TMEM214: variants seen among roughly 807,000 people sequenced by gnomAD.
TMEM214 encodes transmembrane protein 214.
TMEM214 carries 71 observed loss-of-function variants against 89.8 expected under a neutral mutation model. The observed-to-expected ratio is 0.79, with a 90% CI of 0.65 to 0.96. TMEM214 has a LOEUF of 0.96. TMEM214 is among the 40% of genes least tolerant of loss of function. The pLI is 0.00. For synonymous variants in TMEM214, 332 were observed against 349.5 expected (o/e 0.95, Z 0.56); for missense variants, 754 against 843.4 (o/e 0.89, Z 1.31).
At chr2:27,039,233 C>G in intron 13 of TMEM214, 69 bp downstream of exon 13, 1 of 1,309,014 alleles carries the variant, frequency 7.6e-7, no homozygotes, top group Non-Finnish European at 1.1e-6. Flanking sequence ...GCACCACCAC[C>G]CCGCCCCCAG....
At position 27,035,450 on chromosome 2, in the gene TMEM214, C is replaced by T. The variant is rs1481788835; in HGVS notation, c.503-144C>T. The T allele has an allele frequency of 2.1e-6, 3 of 1,401,466 alleles. No homozygotes were observed. In the Admixed American group the frequency reaches 6.4e-5, roughly 30 times the overall value. 86.8% of individuals were successfully genotyped at this position (1,401,466 alleles called of 1,614,324 possible). A position where few individuals can be genotyped will look rare whatever the true frequency, so the allele number is the denominator to read the frequency against. On this transcript the variant is annotated intron_variant, in intron 3 of 16. Transcript: ENST00000238788. ...TTTCTGGGCCTCATTCTGTGATCCT[C>T]CCTCTGGGCCTCCTCAGAGGAAGGA...
chr2:27,037,021 CA>C, intron 7 of TMEM214, 55 bp from the exon 8 acceptor site: 2 of 1,528,998 alleles, frequency 1.3e-6, no homozygotes, highest in Non-Finnish European at 1.8e-6. Flanking sequence ...GGGTCATGGC[CA>C]AAACAGCTGG....
chr2:27,037,930 T>C lies in TMEM214; in HGVS notation c.1153-216T>C, dbSNP rs745430734. 1,291 of 1,549,848 alleles carry C rather than the reference T, an allele frequency of 8.3e-4. 2 individuals are homozygous for C. The highest frequency in any genetic ancestry group is 9.3e-4 in the Non-Finnish European group (1,070 of 1,146,186). On this transcript the variant is annotated intron_variant, in intron 9 of 16. Transcript: ENST00000238788. ...TCTGATGCCCGTCTCTTGCAGATAG[T>C]GATCTTTGAGCTCAAAGCTCTAGCT...
intron 1 of TMEM214, among the ~76,000 whole-genome samples, chr2:27,033,473 C>T (rs1016563150): frequency 2.6e-5 from 4 of 152,192 alleles, no homozygotes; most frequent in African/African-American, 9.7e-5. Flanking sequence ...AGGGCCCTAG[C>T]TGGTCTCTCT....
In TMEM214 at chr2:27,038,117, G is replaced by T; in HGVS notation, c.1153-29G>T. 1 of 1,613,986 alleles carries T rather than the reference G, an allele frequency of 6.2e-7. No homozygotes were observed. Among genetic ancestry groups the T allele is most frequent in the Non-Finnish European group, 8.5e-7 (1 of 1,179,986 alleles). ...CGCCTCTGCCAGCCCCATGCCCCCA[G>T]CAGCCTCTCCCTCTGTCGTGCTGTG... On this transcript the variant is annotated intron_variant, in intron 9 of 16. Coordinates refer to ENST00000238788, the MANE Select transcript of TMEM214 (RefSeq NM_017727.5). This position sits in a 1 kb window ranked among gnomAD's most constrained non-coding sequence, Gnocchi z 4.4.
rs760881865 is a variant in TMEM214 at position 27,038,481 on chromosome 2, C to T, written c.1245-3C>T. ...TGACTAGGGGGTTGTGCTTTCCCCA[C>T]AGCCTTCTGCTGGAGCACTTGCTCA... is the stretch of plus-strand genomic sequence containing the variant. On this transcript the variant is annotated splice_polypyrimidine_tract_variant and splice_region_variant and intron_variant, in intron 10 of 16. Coordinates refer to ENST00000238788, the MANE Select transcript of TMEM214 (RefSeq NM_017727.5). The surrounding 1 kb of genome is among the most constrained non-coding windows in gnomAD (Gnocchi z 4.4). The T allele has an allele frequency of 4.3e-6, 7 of 1,613,878 alleles. No homozygotes were observed. The African/African-American group carries it at 5.3e-5, about 12-fold the overall frequency.
At position 27,039,264 on chromosome 2, in the gene TMEM214, A is replaced by ACGAGTTCTCAATCCTGCAGAGT; in HGVS notation, c.1525+101_1525+122dup. 3.0e-6 allele frequency: 3 copies of ACGAGTTCTCAATCCTGCAGAGT among 1,004,722 alleles called. No homozygotes were observed. In the South Asian group the frequency reaches 4.3e-5, roughly 14 times the overall value. The allele number at this position is 1,004,722 out of a possible 1,614,324, so 62.2% of individuals were successfully genotyped here. On this transcript the variant is annotated intron_variant, in intron 13 of 16. Coordinates refer to ENST00000238788, the MANE Select transcript of TMEM214 (RefSeq NM_017727.5). ...CCCAGCAGCACACATCTTTGTCCTG[A>ACGAGTTCTCAATCCTGCAGAGT]CGAGTTCTCAATCCTGCAGAGTAAA...
At position 27,041,030 on chromosome 2, in the gene TMEM214, A is replaced by G. The variant is rs1301866566; in HGVS notation, c.*193A>G. 1 of 637,634 alleles carries G rather than the reference A, an allele frequency of 1.6e-6. No homozygotes were observed. Among genetic ancestry groups the G allele is most frequent in the African/African-American group, 1.8e-5 (1 of 54,572 alleles). 39.5% of individuals were successfully genotyped at this position (637,634 alleles called of 1,614,324 possible). A position where few individuals can be genotyped will look rare whatever the true frequency, so the allele number is the denominator to read the frequency against. On this transcript the variant is annotated 3_prime_UTR_variant, in exon 17 of 17. Coordinates refer to ENST00000238788, the MANE Select transcript of TMEM214 (RefSeq NM_017727.5). ...GGGCCCAGCAGCATCTCAGCCTCCT[A>G]CCCACAATTCCACTGAACACTTTTC...
intron 1 of TMEM214, among the ~76,000 whole-genome samples, chr2:27,033,797 A>G (rs754135926): frequency 8.6e-5 from 13 of 151,888 alleles, no homozygotes; most frequent in Admixed American, 2.6e-4. Flanking sequence ...TCTATATCCA[A>G]CCTCTCTGCT....
At chr2:27,036,843 A>G in intron 7 of TMEM214, 57 bp downstream of exon 7, 2 of 1,561,370 alleles carry the variant, frequency 1.3e-6, no homozygotes, top group South Asian at 1.1e-5. Context: ...TGGCTGTTAT[A>G]GCAAAATGGG....
Position 27,040,192 on chromosome 2 carries a change from TCA to T in TMEM214, c.1786_1787del (p.Gln596GlufsTer38). The stretch of plus-strand genomic sequence containing the variant: ...TTGGTGACAGTCTCACCAGTCTCTC[TCA>T]GAGGGTAAGTCAGAGACAGGGAGTC... ...WFGDSLTSLSQRLQIQLPDSV... is the reference protein window; with the variant it reads ...WFGDSLTSLSXRLQIQLPDSV... On this transcript the variant is annotated frameshift_variant, in exon 15 of 17. Transcript: ENST00000238788. LOFTEE classifies it high-confidence loss of function. The T allele has an allele frequency of 4.4e-6, 7 of 1,605,800 alleles. No individual in the cohort carries two copies. The highest frequency in any genetic ancestry group is 5.9e-6 in the Non-Finnish European group (7 of 1,179,946).
At chr2:27,037,298 A>C (rs1667609301) in intron 8 of TMEM214, 120 bp downstream of exon 8, 1 of 938,648 alleles carries the variant, frequency 1.1e-6, no homozygotes, top group African/African-American at 1.6e-5. Flanking sequence ...TGGAAGTTCA[A>C]GAGTAGGTTT....
At chr2:27,033,300 C>T (rs918186231) in intron 1 of TMEM214, 134 bp downstream of exon 1, 2 of 904,880 alleles carry the variant, frequency 2.2e-6, no homozygotes, top group Non-Finnish European at 1.5e-6. Context: ...TTTGGAGCCT[C>T]ACGGGAGGCA....
In TMEM214 at chr2:27,034,465, A is replaced by G. The variant is rs989366371; in HGVS notation, c.351+199A>G. 31 of 611,348 alleles carry G rather than the reference A, an allele frequency of 5.1e-5. No homozygotes were observed. The Admixed American group carries it at 6.1e-4, about 12-fold the overall frequency. 37.9% of individuals were successfully genotyped at this position (611,348 alleles called of 1,614,324 possible). On this transcript the variant is annotated intron_variant, in intron 2 of 16. Transcript: ENST00000238788. ...AGAATAGAAAGGAAATGGAAAATTT[A>G]TAGGGAAACATGGATTGGTAAGAGG...
intron 8 of TMEM214, 95 bp downstream of exon 8, chr2:27,037,273 C>G: frequency 5.4e-6 from 6 of 1,106,424 alleles, no homozygotes; most frequent in South Asian, 5.1e-5. Context: ...CATCCTAGAT[C>G]TGAGATTTGC....
intron 5 of TMEM214, 76 bp downstream of exon 5, chr2:27,036,128 C>A: frequency 7.1e-7 from 1 of 1,407,648 alleles, no homozygotes; most frequent in South Asian, 1.2e-5. Context: ...TTGTTGGACT[C>A]AGGTTTGGGA....
In TMEM214 at chr2:27,038,395, C is replaced by T; in HGVS notation, c.1245-89C>T. On this transcript the variant is annotated intron_variant, in intron 10 of 16. Coordinates refer to ENST00000238788, the MANE Select transcript of TMEM214 (RefSeq NM_017727.5). The surrounding 1 kb of genome is among the most constrained non-coding windows in gnomAD (Gnocchi z 4.4). The stretch of plus-strand genomic sequence containing the variant: ...TGTGGGTGGTAGGTGGAGGGTCTTT[C>T]AGCCTGAAGGAGCCAGGGCTAATGG... 3 of 1,577,842 alleles carry T rather than the reference C, an allele frequency of 1.9e-6. No individual in the cohort carries two copies. Among genetic ancestry groups the T allele is most frequent in the Non-Finnish European group, 2.6e-6 (3 of 1,149,046 alleles).
chr2:27,033,163 AC>A lies in TMEM214; in HGVS notation c.151del (p.Pro51LeufsTer18). ...AAACGGAGTGTGGAAATACGACCTG[AC>A]CCGTGAGTACCCGCCCTGCCCCGCC... is the stretch of plus-strand genomic sequence containing the variant. The part of the protein sequence containing the change: ...EANGVWKYDL[T>X]PAIQTTSTLY... On this transcript the variant is annotated frameshift_variant and splice_region_variant, in exon 1 of 17. Coordinates refer to ENST00000238788, the MANE Select transcript of TMEM214 (RefSeq NM_017727.5). LOFTEE classifies it high-confidence loss of function. The A allele has an allele frequency of 8.0e-7, 1 of 1,246,876 alleles. No homozygotes were observed. Among genetic ancestry groups the A allele is most frequent in the Non-Finnish European group, 1.0e-6 (1 of 987,048 alleles). The allele number at this position is 1,246,876 out of a possible 1,614,324, so 77.2% of individuals were successfully genotyped here. A position where few individuals can be genotyped will look rare whatever the true frequency, so the allele number is the denominator to read the frequency against.
chr2:27,035,113 G>A (rs766482278), intron 2 of TMEM214, 22 bp from the exon 3 acceptor site: 11 of 1,612,944 alleles, frequency 6.8e-6, no homozygotes, highest in Non-Finnish European at 7.6e-6. Context: ...ATGGTGGGGG[G>A]TTGGGGGATT....
Sources: allele counts gnomAD v4.1 joint callset (sites outside exome capture counted in the v4.1 genomes callset), GRCh38; gene constraint gnomAD v4.1.1; non-coding constraint Gnocchi (gnomAD v3.1); transcripts MANE v1.5; gene names NCBI Gene and HGNC (gene_info 2026-07-23, HGNC 2026-07-21).